The following MAGI1 variants were observed in gnomAD, a reference collection of about 807,000 sequenced individuals.
MAGI1 encodes the protein membrane associated guanylate kinase, WW and PDZ domain containing 1.
In MAGI1, 58 loss-of-function variants were observed where a neutral mutation model predicts 139.9. The ratio of observed to expected loss-of-function variants is 0.41; its 90% CI spans 0.34 to 0.52. MAGI1 has a LOEUF of 0.52. Ranked by LOEUF, MAGI1 falls within the 20% of genes least tolerant of loss-of-function variation. The pLI is 0.12. For synonymous variants in MAGI1, 812 were observed against 737.9 expected (o/e 1.10, Z -1.63); for missense variants, 1,874 against 1,901.6 (o/e 0.99, Z 0.27).
intron 3 of MAGI1, among the ~76,000 whole-genome samples, chr3:65,489,086 TAAG>T (rs922318592): frequency 1.3e-5 from 2 of 152,320 alleles, no homozygotes; most frequent in African/African-American, 4.8e-5. Flanking sequence ...CCATGTGAAC[TAAG>T]AAGAGATTAC....
intron 1 of MAGI1, among the ~76,000 whole-genome samples, chr3:65,666,338 A>C (rs2086520754): frequency 6.6e-6 from 1 of 152,224 alleles, no homozygotes; most frequent in Non-Finnish European, 1.5e-5. Context: ...TAAGAGAATG[A>C]TGACAAGACT....
In MAGI1 at chr3:65,949,913, G is replaced by C. The variant is rs928861806; in HGVS notation, c.313+88083C>G. Among the ~76,000 whole-genome samples the C allele has an allele frequency of 3.3e-5, 5 of 151,900 alleles. 1 individual carries two copies. The South Asian group carries it at 8.3e-4, about 25-fold the overall frequency. ...AAAATACATAAATTAGCCGGGCAGA[G>C]TGGCATGTGCCTATATTCCCAGCTA... is the stretch of plus-strand genomic sequence containing the variant. On this transcript the variant is annotated intron_variant, in intron 1 of 22. Coordinates refer to ENST00000402939, the MANE Select transcript of MAGI1 (RefSeq NM_001033057.2).
At chr3:65,921,822 C>A (rs1020380161) in intron 1 of MAGI1, among the ~76,000 whole-genome samples, 3 of 151,522 alleles carry the variant, frequency 2.0e-5, no homozygotes, top group African/African-American at 7.3e-5. Context: ...AGAAAGTTAG[C>A]CTGAGCCCAG....
chr3:65,649,606 C>G (rs2085470495), intron 1 of MAGI1, among the ~76,000 whole-genome samples: 1 of 152,186 alleles, frequency 6.6e-6, no homozygotes, highest in Non-Finnish European at 1.5e-5. Flanking sequence ...GGATTAGTGT[C>G]TATCTGGAAC....
chr3:65,453,146 C>A (rs1189224276), intron 6 of MAGI1, 112 bp downstream of exon 6: 3 of 876,628 alleles, frequency 3.4e-6, no homozygotes, highest in Non-Finnish European at 3.8e-6. Flanking sequence ...AATTGGATTA[C>A]CTTTTAAAAA....
In MAGI1 at chr3:65,360,713, C is replaced by T. The variant is rs184526988; in HGVS notation, c.3634+486G>A. 622 of 1,002,874 alleles carry T rather than the reference C, an allele frequency of 6.2e-4. 10 individuals are homozygous for T. The Middle Eastern group carries it at 7.1e-3, about 11-fold the overall frequency. 62.1% of individuals were successfully genotyped at this position (1,002,874 alleles called of 1,614,324 possible). On this transcript the variant is annotated intron_variant, in intron 22 of 22. Transcript: ENST00000402939. ...GGATGGAGAAGTGTTGTATACAGAG[C>T]ATAAGGGAGGTTAGCAAAGCCCCCA...
In MAGI1 at chr3:65,589,474, T is replaced by A. The variant is rs1341169202; in HGVS notation, c.430+32498A>T. Among the ~76,000 whole-genome samples the A allele has an allele frequency of 2.0e-5, 3 of 152,134 alleles. No homozygotes were observed. The South Asian group carries it at 6.2e-4, about 32-fold the overall frequency. ...GTATTCACCAAGTCCTTTCTCTCCC[T>A]AAATATTTATTTATTGGGTATCTCC... is the stretch of plus-strand genomic sequence containing the variant. On this transcript the variant is annotated intron_variant, in intron 2 of 22. Coordinates refer to ENST00000402939, the MANE Select transcript of MAGI1 (RefSeq NM_001033057.2).
intron 1 of MAGI1, among the ~76,000 whole-genome samples, chr3:65,761,528 C>G (rs896652256): frequency 6.6e-6 from 1 of 152,106 alleles, no homozygotes; most frequent in Non-Finnish European, 1.5e-5. Context: ...CATTTCTAAC[C>G]TCTCCAAACG....
rs141087562 is a variant in MAGI1 at position 65,559,928 on chromosome 3, C to T, written c.430+62044G>A. On this transcript the variant is annotated intron_variant, in intron 2 of 22. Transcript: ENST00000402939. ...GCATGCAACTGTAGTCCCAGCTACT[C>T]GAGAGGCTGAGGTGGGAGGATCATC... is the stretch of plus-strand genomic sequence containing the variant. Among the ~76,000 whole-genome samples, 297 of 152,156 alleles carry T rather than the reference C, an allele frequency of 2.0e-3. 6 individuals are homozygous for T. The East Asian group carries it at 0.052, about 27-fold the overall frequency.
intron 1 of MAGI1, among the ~76,000 whole-genome samples, chr3:65,727,878 G>A (rs1444479139): frequency 6.6e-6 from 1 of 152,134 alleles, no homozygotes; most frequent in Non-Finnish European, 1.5e-5. Context: ...TGAAAATTAT[G>A]TTATACTTTT....
chr3:66,038,007 G>C lies in MAGI1; in HGVS notation c.302C>G (p.Ala101Gly), dbSNP rs1186307619. 6 of 1,586,750 alleles carry C rather than the reference G, an allele frequency of 3.8e-6. No individual in the cohort carries two copies. The highest frequency in any genetic ancestry group is 1.2e-5 in the South Asian group (1 of 86,806). ...DSCKEAVTFK[A>G]VRQGGRLNKD... The stretch of plus-strand genomic sequence containing the variant: ...GCGCCCTGCCTTACCTTGTCTGACG[G>C]CCTTGAAGGTGACGGCCTCCTTGCA... The change falls in exon 1 of 23, where the codon GCC becomes GGC. Residue 101 changes from alanine to glycine, a missense_variant. Physicochemically the swap from Ala to Gly is moderately conservative, Grantham distance 60. This residue lies in a region of MAGI1 where 648 missense variants were observed against 598.1 expected (regional missense o/e 1.08). Coordinates refer to ENST00000402939, the MANE Select transcript of MAGI1 (RefSeq NM_001033057.2).
chr3:65,425,373 G>A (rs549381041), intron 12 of MAGI1, among the ~76,000 whole-genome samples: 2 of 152,160 alleles, frequency 1.3e-5, no homozygotes, highest in African/African-American at 4.8e-5. Flanking sequence ...AAGTCACAAT[G>A]CAAGTAGAGC....
At chr3:65,600,856 G>A (rs2082450087) in intron 2 of MAGI1, among the ~76,000 whole-genome samples, 1 of 152,212 alleles carries the variant, frequency 6.6e-6, no homozygotes, top group African/African-American at 2.4e-5. Context: ...CGAGGCAGTA[G>A]AACATACTGG....
At chr3:65,823,163 A>T (rs1419715798) in intron 1 of MAGI1, among the ~76,000 whole-genome samples, 7 of 152,094 alleles carry the variant, frequency 4.6e-5, no homozygotes, top group Admixed American at 4.6e-4. Flanking sequence ...TGAAATATAT[A>T]TCATATAAAG....
At chr3:65,439,836 A>G in intron 9 of MAGI1, 43 bp downstream of exon 9, 2 of 1,604,992 alleles carry the variant, frequency 1.2e-6, no homozygotes, top group East Asian at 2.2e-5. Context: ...ATTTCACCCC[A>G]TGCTCCCCTG....
chr3:65,743,738 C>G (rs2107791804), intron 1 of MAGI1, among the ~76,000 whole-genome samples: 1 of 151,640 alleles, frequency 6.6e-6, no homozygotes, highest in South Asian at 2.1e-4. Flanking sequence ...AAAGAAAAGT[C>G]TATTCGTGTC....
intron 1 of MAGI1, among the ~76,000 whole-genome samples, chr3:65,710,012 A>G (rs2031113649): frequency 1.3e-5 from 2 of 152,316 alleles, no homozygotes; most frequent in Admixed American, 1.3e-4. Flanking sequence ...GCAAATAGTG[A>G]AATGTGCCAC....
intron 2 of MAGI1, among the ~76,000 whole-genome samples, chr3:65,498,477 TC>T (rs1165680564): frequency 6.6e-6 from 1 of 152,148 alleles, no homozygotes; most frequent in Non-Finnish European, 1.5e-5. Context: ...AATAATAGCT[TC>T]CATTTCTCAG....
intron 2 of MAGI1, among the ~76,000 whole-genome samples, chr3:65,533,751 A>G (rs2078823303): frequency 6.6e-6 from 1 of 152,114 alleles, no homozygotes; most frequent in Non-Finnish European, 1.5e-5. Flanking sequence ...TCCTCTATCA[A>G]AACATTCTCT....
Sources: allele counts gnomAD v4.1 joint callset (sites outside exome capture counted in the v4.1 genomes callset), GRCh38; gene constraint gnomAD v4.1.1; regional missense constraint gnomAD v4.1.1; transcripts MANE v1.5; gene names NCBI Gene and HGNC (gene_info 2026-07-23, HGNC 2026-07-21).